DIS3L2: variants seen among roughly 807,000 people sequenced by gnomAD.
DIS3L2 encodes DIS3-like exonuclease 2.
Under a neutral mutation model 97.5 loss-of-function variants are expected in DIS3L2, and 34 were observed. The observed-to-expected ratio is 0.35, with a 90% CI of 0.27 to 0.46. DIS3L2 has a LOEUF of 0.46. DIS3L2 is among the 20% of genes least tolerant of loss of function. The pLI is 1.00. For missense variants in DIS3L2, 1,038 were observed against 1,146.0 expected (o/e 0.91, Z 1.36); for synonymous variants, 435 against 445.2 (o/e 0.98, Z 0.29).
At chr2:232,229,955 C>G (rs1472473732) in intron 10 of DIS3L2, among the ~76,000 whole-genome samples, 7 of 152,182 alleles carry the variant, frequency 4.6e-5, no homozygotes, top group Admixed American at 2.6e-4. Flanking sequence ...TATGCTACCC[C>G]CTCCTCATGG....
At chr2:232,119,886 T>C (rs990758510) in intron 6 of DIS3L2, among the ~76,000 whole-genome samples, 3 of 152,158 alleles carry the variant, frequency 2.0e-5, no homozygotes, top group Admixed American at 6.5e-5. Flanking sequence ...CTCTTACCAA[T>C]CTGTAAATTA....
At chr2:232,066,170 A>G (rs1454439136) in intron 5 of DIS3L2, among the ~76,000 whole-genome samples, 3 of 151,878 alleles carry the variant, frequency 2.0e-5, no homozygotes, top group Non-Finnish European at 2.9e-5. Context: ...AGAAACCTTC[A>G]CTATGATGTT....
rs1226599578 is a variant in DIS3L2 at position 232,293,600 on chromosome 2, G to T, written c.1660-6440G>T. On this transcript the variant is annotated intron_variant, in intron 13 of 20. Coordinates refer to ENST00000325385, the MANE Select transcript of DIS3L2 (RefSeq NM_152383.5). The surrounding 1 kb of genome is among the most constrained non-coding windows in gnomAD (Gnocchi z 4.6). The stretch of plus-strand genomic sequence containing the variant: ...GGGGAGTGCATGGAGCTCTGCAGGA[G>T]CTGGAGAGTGACCCTTCCCTGTCCT... Among the ~76,000 whole-genome samples the T allele has an allele frequency of 6.6e-6, 1 of 152,220 alleles. No homozygotes were observed. Among genetic ancestry groups the T allele is most frequent in the Non-Finnish European group, 1.5e-5 (1 of 68,040 alleles).
chr2:232,195,110 T>C (rs184881189), intron 9 of DIS3L2, among the ~76,000 whole-genome samples: 3 of 152,330 alleles, frequency 2.0e-5, no homozygotes, highest in East Asian at 3.9e-4. Flanking sequence ...AAAAGACATA[T>C]AATTCTAAGC....
At chr2:232,250,337 A>AT (rs34243603) in intron 12 of DIS3L2, among the ~76,000 whole-genome samples, 3,495 of 149,916 alleles carry the variant, frequency 0.023, 118 homozygotes, top group African/African-American at 0.076. Flanking sequence ...CAGTAAAAGG[A>AT]TTTTTTTTTT....
At chr2:232,114,975 C>T (rs1697657587) in intron 6 of DIS3L2, among the ~76,000 whole-genome samples, 1 of 152,184 alleles carries the variant, frequency 6.6e-6, no homozygotes, top group Non-Finnish European at 1.5e-5. Context: ...CTAGGCAGCA[C>T]AGAGCATCAC....
Position 231,971,619 on chromosome 2 carries a change from G to A in DIS3L2, c.-94+9854G>A, listed in dbSNP as rs542261735. Among the ~76,000 whole-genome samples the A allele has an allele frequency of 6.2e-4, 95 of 152,056 alleles. 1 individual carries two copies. Among genetic ancestry groups the A allele is most frequent in the African/African-American group, 2.2e-3 (91 of 41,516 alleles). On this transcript the variant is annotated intron_variant, in intron 1 of 20. Coordinates refer to ENST00000325385, the MANE Select transcript of DIS3L2 (RefSeq NM_152383.5). Reference sequence around the variant, plus strand: ...CCCGCCACCACCCCTGGCTAATTTTGTGTATTTTTAGTAGAGACGGGTTTC... The same window carrying A: ...CCCGCCACCACCCCTGGCTAATTTTATGTATTTTTAGTAGAGACGGGTTTC...
chr2:232,086,393 A>ATATGTG (rs1178341167), intron 5 of DIS3L2, among the ~76,000 whole-genome samples: 2 of 106,190 alleles, frequency 1.9e-5, no homozygotes, highest in Admixed American at 1.1e-4. Context: ...ATGTATATGT[A>ATATGTG]TATGTGTATA....
chr2:232,202,133 C>T (rs1278356473), intron 9 of DIS3L2, among the ~76,000 whole-genome samples: 2 of 152,160 alleles, frequency 1.3e-5, no homozygotes, highest in Non-Finnish European at 2.9e-5. Context: ...GGCGTGATGG[C>T]TCACGCCTGT....
At chr2:232,119,559 C>T (rs1287481716) in intron 6 of DIS3L2, among the ~76,000 whole-genome samples, 1 of 152,112 alleles carries the variant, frequency 6.6e-6, no homozygotes, top group Non-Finnish European at 1.5e-5. Context: ...TTTGGGGAGC[C>T]ATCAGACTAA....
At chr2:232,055,437 T>A (rs1290611177) in intron 5 of DIS3L2, among the ~76,000 whole-genome samples, 1 of 152,206 alleles carries the variant, frequency 6.6e-6, no homozygotes, top group African/African-American at 2.4e-5. Context: ...AAAAGAGTTT[T>A]CAAGACCTCA....
At chr2:232,130,367 C>G (rs1698181921) in intron 6 of DIS3L2, among the ~76,000 whole-genome samples, 2 of 152,004 alleles carry the variant, frequency 1.3e-5, no homozygotes. Flanking sequence ...TGATGCTCTC[C>G]AGTTGTATGA....
chr2:232,337,984 G>A (rs1157206346), downstream of DIS3L2, among the ~76,000 whole-genome samples: 1 of 150,428 alleles, frequency 6.6e-6, no homozygotes, highest in Non-Finnish European at 1.5e-5. Context: ...AGAGGCCACG[G>A]TCACCCCATC....
chr2:232,223,020 G>A (rs1692546258), intron 10 of DIS3L2, among the ~76,000 whole-genome samples: 1 of 152,152 alleles, frequency 6.6e-6, no homozygotes, highest in Admixed American at 6.5e-5. Flanking sequence ...TTTCTGTGGG[G>A]TCTGGGCTTT....
intron 1 of DIS3L2, among the ~76,000 whole-genome samples, chr2:232,013,117 T>G (rs1694255603): frequency 6.6e-6 from 1 of 152,212 alleles, no homozygotes; most frequent in East Asian, 1.9e-4. Flanking sequence ...GGTGCCACTT[T>G]GTCCTGTGTA....
intron 8 of DIS3L2, among the ~76,000 whole-genome samples, chr2:232,148,245 C>T (rs990757935): frequency 2.0e-5 from 3 of 152,026 alleles, no homozygotes; most frequent in African/African-American, 7.2e-5. Flanking sequence ...GATGGGGTTT[C>T]ACCATGTTGG....
At chr2:232,258,806 G>A (rs1263874568) in intron 12 of DIS3L2, among the ~76,000 whole-genome samples, 2 of 152,082 alleles carry the variant, frequency 1.3e-5, no homozygotes, top group African/African-American at 2.4e-5. Context: ...ATACAGAGAG[G>A]CCTGCCTTAC....
At chr2:232,093,583 C>A (rs1696910644) in intron 6 of DIS3L2, among the ~76,000 whole-genome samples, 1 of 152,044 alleles carries the variant, frequency 6.6e-6, no homozygotes, top group Non-Finnish European at 1.5e-5. Context: ...CTGGTCTGTT[C>A]AGGTTTTGCA....
chr2:232,014,937 C>A lies in DIS3L2; in HGVS notation c.10C>A (p.Pro4Thr), dbSNP rs1431824314. 1 of 1,613,978 alleles carries A rather than the reference C, an allele frequency of 6.2e-7. No homozygotes were observed. The highest frequency in any genetic ancestry group is 1.3e-5 in the African/African-American group (1 of 75,040). MSH[P>T]DYRMNLRPLG... ...GACCTTGGAGCCAATAATGAGCCAT[C>A]CTGACTACAGAATGAACCTCCGGCC... The change falls in exon 2 of 21, where the codon CCT becomes ACT. Residue 4 changes from proline to threonine, a missense_variant. Transcript: ENST00000325385.
Sources: gnomAD v4.1 joint callset for allele counts (sites outside exome capture counted in the v4.1 genomes callset) on GRCh38, gnomAD v4.1.1 for gene constraint, Gnocchi (gnomAD v3.1) non-coding constraint, MANE v1.5 for transcripts, NCBI Gene and HGNC (gene_info 2026-07-23, HGNC 2026-07-21) for gene names.